The following MBD5 variants were observed in gnomAD, a reference collection of about 807,000 sequenced individuals.
MBD5 encodes methyl-CpG binding domain protein 5.
A neutral mutation model predicts 117.3 loss-of-function variants in MBD5; 13 were observed. The observed-to-expected ratio is 0.11, with a 90% confidence interval of 0.07 to 0.18. MBD5 has a LOEUF of 0.18. Among genes scored for constraint, MBD5 ranks in the 10% least tolerant of loss-of-function variants. The pLI is 1.00. For missense variants in MBD5, 1,879 were observed against 2,093.8 expected, an observed-to-expected ratio of 0.90 and a Z score of 2.00; for synonymous variants, 727 against 766.4, an observed-to-expected ratio of 0.95 and a Z score of 0.85.
chr2:148,330,088 TACACAC>T (rs377202803), intron 3 of MBD5, among the ~76,000 whole-genome samples: 4 of 40,408 alleles, frequency 9.9e-5, no homozygotes, highest in South Asian at 2.4e-3. Context: ...CCTCCTGCCA[TACACAC>T]ACACACACAC....
At chr2:148,042,522 C>G (rs1694391022) in intron 1 of MBD5, among the ~76,000 whole-genome samples, 1 of 151,366 alleles carries the variant, frequency 6.6e-6, no homozygotes, top group African/African-American at 2.4e-5. Context: ...AAAATAACAA[C>G]AGTTTTTAAA....
At chr2:148,478,147 A>T (rs1261736853) in intron 8 of MBD5, among the ~76,000 whole-genome samples, 1 of 152,230 alleles carries the variant, frequency 6.6e-6, no homozygotes, top group Non-Finnish European at 1.5e-5. Flanking sequence ...AAGTAGTTTT[A>T]AAAATGAGAC....
At chr2:148,168,793 A>T (rs577576371) in intron 1 of MBD5, among the ~76,000 whole-genome samples, 2 of 152,142 alleles carry the variant, frequency 1.3e-5, no homozygotes, top group Admixed American at 1.3e-4. Context: ...ATCTCTAAGG[A>T]CTCAGTGCAG....
At position 148,489,606 on chromosome 2, in the gene MBD5, T is replaced by A. The variant is rs200136624; in HGVS notation, c.3974T>A (p.Val1325Asp). 2.4e-5 allele frequency: 39 copies of A among 1,614,172 alleles called. No individual in the cohort carries two copies. The highest frequency in any genetic ancestry group is 1.7e-6 in the Non-Finnish European group (2 of 1,180,034). ...TCCGTAGATGCCATTTACAAAGCAG[T>A]TGTCGATGCAGCCAGCAAAGGAATG... Reference protein sequence around the residue: ...DASVDAIYKAVVDAASKGMQV... With the variant: ...DASVDAIYKADVDAASKGMQV... Residue 1325 changes from valine (V) to aspartate (D), a missense_variant, in exon 11 of 14, where the codon GTT (valine) becomes GAT (aspartate). By Grantham distance (152) the Val-to-Asp change is radical. Coordinates refer to ENST00000642680, the MANE Select transcript of MBD5 (RefSeq NM_001378120.1).
At chr2:148,456,970 T>C (rs1176704273) in intron 4 of MBD5, among the ~76,000 whole-genome samples, 1 of 152,164 alleles carries the variant, frequency 6.6e-6, no homozygotes, top group East Asian at 1.9e-4. Context: ...CCAACTTAAC[T>C]ACACAGACTT....
At chr2:148,029,000 G>A (rs1466502228) in intron 1 of MBD5, among the ~76,000 whole-genome samples, 1 of 152,004 alleles carries the variant, frequency 6.6e-6, no homozygotes. Context: ...TAGAATGCAG[G>A]CCAGAGCCAG....
intron 1 of MBD5, among the ~76,000 whole-genome samples, chr2:148,074,788 C>A (rs1695461554): frequency 6.6e-6 from 1 of 152,058 alleles, no homozygotes; most frequent in Non-Finnish European, 1.5e-5. Context: ...AGGCGTGAGC[C>A]ACCACACCCA....
At chr2:148,389,303 T>C (rs1330679848) in intron 4 of MBD5, among the ~76,000 whole-genome samples, 1 of 108,676 alleles carries the variant, frequency 9.2e-6, no homozygotes, top group Non-Finnish European at 1.9e-5. Context: ...TATATATATA[T>C]AACATTTTCT....
At chr2:148,032,145 T>C (rs1427755865) in intron 1 of MBD5, among the ~76,000 whole-genome samples, 3 of 152,144 alleles carry the variant, frequency 2.0e-5, no homozygotes, top group Admixed American at 2.0e-4. Flanking sequence ...TCAGTGTTTA[T>C]CTCTTTTTCA....
chr2:148,262,590 G>A (rs1340432399), intron 3 of MBD5, among the ~76,000 whole-genome samples: 1 of 152,034 alleles, frequency 6.6e-6, no homozygotes. Flanking sequence ...TAAATAGAAA[G>A]AAGGGAAAAA....
chr2:148,475,979 A>G (rs1680951401), intron 8 of MBD5, among the ~76,000 whole-genome samples: 2 of 152,198 alleles, frequency 1.3e-5, no homozygotes, highest in Non-Finnish European at 2.9e-5. Context: ...ACTACTTGCA[A>G]ATTCAAAGTA....
chr2:148,079,069 G>C (rs1695577927), intron 1 of MBD5, among the ~76,000 whole-genome samples: 1 of 152,114 alleles, frequency 6.6e-6, no homozygotes, highest in African/African-American at 2.4e-5. Flanking sequence ...TAGCTTCCCT[G>C]TCTTTATTTT....
In MBD5 at chr2:148,267,363, C is replaced by T. The variant is rs962164900; in HGVS notation, c.-680+33968C>T. On this transcript the variant is annotated intron_variant, in intron 3 of 13. Transcript: ENST00000642680. ...TGAGTACACTAATCTCACAATTTAG[C>T]ATCAGCCCAAATAAAGATCAGATGG... Among the ~76,000 whole-genome samples, 2 of 152,062 alleles carry T rather than the reference C, an allele frequency of 1.3e-5. 1 individual carries two copies. The highest frequency in any genetic ancestry group is 2.9e-5 in the Non-Finnish European group (2 of 67,998).
chr2:148,297,430 C>T lies in MBD5; in HGVS notation c.-679-44784C>T, dbSNP rs140131693. On this transcript the variant is annotated intron_variant, in intron 3 of 13. Transcript: ENST00000642680. ...CTGGGATGACAGTAGCTATGACAGACTCCCTTTGACTGTCTCTTTCCTTGA... is the reference window on the plus strand; with the variant it reads ...CTGGGATGACAGTAGCTATGACAGATTCCCTTTGACTGTCTCTTTCCTTGA... Among the ~76,000 whole-genome samples the T allele has an allele frequency of 2.9e-3, 435 of 152,300 alleles. 2 individuals are homozygous for T. Among genetic ancestry groups the T allele is most frequent in the Non-Finnish European group, 4.5e-3 (309 of 68,030 alleles).
intron 1 of MBD5, among the ~76,000 whole-genome samples, chr2:148,173,537 C>T (rs1034317330): frequency 6.6e-6 from 1 of 152,104 alleles, no homozygotes; most frequent in Non-Finnish European, 1.5e-5. Flanking sequence ...CAGAATGAGC[C>T]CAGTGGACCC....
At chr2:148,048,676 A>G (rs1381516874) in intron 1 of MBD5, among the ~76,000 whole-genome samples, 3 of 152,166 alleles carry the variant, frequency 2.0e-5, no homozygotes, top group Non-Finnish European at 4.4e-5. Flanking sequence ...GGTCAAGGTA[A>G]CATGACTTGT....
chr2:148,372,086 A>G (rs1306581699), intron 4 of MBD5, among the ~76,000 whole-genome samples: 3 of 152,144 alleles, frequency 2.0e-5, no homozygotes, highest in Non-Finnish European at 4.4e-5. Flanking sequence ...AAAACACTCT[A>G]TGGAACTATG....
At chr2:148,021,977 C>T (rs967174877) in intron 1 of MBD5, among the ~76,000 whole-genome samples, 2 of 152,162 alleles carry the variant, frequency 1.3e-5, no homozygotes, top group African/African-American at 4.8e-5. Context: ...AAACAACCCC[C>T]TCCTTCCTCC....
chr2:148,296,864 ATTTTTTTTT>A (rs757371602), intron 3 of MBD5, among the ~76,000 whole-genome samples: 2 of 61,310 alleles, frequency 3.3e-5, no homozygotes, highest in Non-Finnish European at 5.9e-5. Flanking sequence ...TAGTTCTTCA[ATTTTTTTTT>A]TTTTTTTTTT....
Sources: gnomAD v4.1 joint callset for allele counts (sites outside exome capture counted in the v4.1 genomes callset) on GRCh38, gnomAD v4.1.1 for gene constraint, MANE v1.5 for transcripts, NCBI Gene and HGNC (gene_info 2026-07-23, HGNC 2026-07-21) for gene names.